The following RBM28 variants were observed in gnomAD, a reference collection of about 807,000 sequenced individuals.
RBM28 encodes RNA-binding protein 28.
Under a neutral mutation model 98.3 loss-of-function variants are expected in RBM28, and 78 were observed. The observed-to-expected ratio is 0.79, with a 90% confidence interval of 0.66 to 0.96. RBM28 has a LOEUF of 0.96. Among genes scored for constraint, RBM28 ranks in the 40% least tolerant of loss-of-function variants. RBM28 has a pLI of 0.00. For missense variants in RBM28, 838 were observed against 913.0 expected (o/e 0.92, Z 1.06); for synonymous variants, 306 against 330.9 (o/e 0.92, Z 0.82).
Position 128,335,569 on chromosome 7 carries a change from GT to G in RBM28, c.919del (p.Thr307ProfsTer25). 1 of 1,614,118 alleles carries G rather than the reference GT, an allele frequency of 6.2e-7. No homozygotes were observed. Among genetic ancestry groups the G allele is most frequent in the Non-Finnish European group, 8.5e-7 (1 of 1,180,008 alleles). On this transcript the variant is annotated frameshift_variant, in exon 8 of 19. Transcript: ENST00000223073. LOFTEE classifies it high-confidence loss of function. Reference protein sequence around the residue: ...DDGEELAQSDTSTEEQEDKAV... With the variant: ...DDGEELAQSDXSTEEQEDKAV... ...TTTATCCTCTTGCTCCTCAGTGCTG[GT>G]ATCACTCTGAGCCAGTTCCTCTCCA... is the stretch of plus-strand genomic sequence containing the variant.
chr7:128,342,008 A>C (rs1796734951), intron 1 of RBM28, among the ~76,000 whole-genome samples: 1 of 152,120 alleles, frequency 6.6e-6, no homozygotes, highest in Non-Finnish European at 1.5e-5. Context: ...AATATTCAAA[A>C]ATTGGCCAGG....
chr7:128,324,192 G>A (rs942671639), intron 12 of RBM28, among the ~76,000 whole-genome samples: 1 of 152,156 alleles, frequency 6.6e-6, no homozygotes, highest in Non-Finnish European at 1.5e-5. Flanking sequence ...AGTATTGGGT[G>A]CACATTTTAA....
chr7:128,328,429 A>T (rs955449139), intron 10 of RBM28, among the ~76,000 whole-genome samples: 1 of 152,218 alleles, frequency 6.6e-6, no homozygotes, highest in African/African-American at 2.4e-5. Context: ...TGGCATGCTG[A>T]GAGGGATAAA....
chr7:128,338,254 T>C lies in RBM28; in HGVS notation c.537A>G (p.Ile179Met), dbSNP rs759932661. The C allele has an allele frequency of 6.2e-7, 1 of 1,613,408 alleles. No individual in the cohort carries two copies. The highest frequency in any genetic ancestry group is 1.1e-5 in the South Asian group (1 of 91,076). ...KALKGMNMKE[I>M]KGRTVAVDWA... ...ATATGGGTATAGAAAGCTTACCTTT[T>C]ATCTCTTTCATGTTCATGCCTTTGA... Residue 179 changes from isoleucine to methionine, a missense_variant, in exon 5 of 19, where the codon ATA becomes ATG. Transcript: ENST00000223073.
At chr7:128,342,223 T>C (rs578173333) in intron 1 of RBM28, among the ~76,000 whole-genome samples, 1 of 152,254 alleles carries the variant, frequency 6.6e-6, no homozygotes, top group African/African-American at 2.4e-5. Context: ...TAATAGGTAA[T>C]AATCTGCAGT....
intron 9 of RBM28, among the ~76,000 whole-genome samples, chr7:128,333,003 G>A (rs1429857239): frequency 6.6e-6 from 1 of 152,218 alleles, no homozygotes; most frequent in African/African-American, 2.4e-5. Flanking sequence ...ACAAAGGCCG[G>A]AAGCAAGATG....
Position 128,310,853 on chromosome 7 carries a change from A to G in RBM28, c.2224T>C (p.Leu742=). 1 of 1,614,136 alleles carries G rather than the reference A, an allele frequency of 6.2e-7. No individual in the cohort carries two copies. The highest frequency in any genetic ancestry group is 1.3e-5 in the African/African-American group (1 of 75,044). ...QLVEQYKQKL[L]GPSKGAPLAK... ...AGAGGTGCTCCTTTAGAAGGTCCCAATAATTTCTGCTTATATTGTTCGACC... is the reference window on the plus strand; with the variant it reads ...AGAGGTGCTCCTTTAGAAGGTCCCAGTAATTTCTGCTTATATTGTTCGACC... Residue 742 remains leucine (L), a synonymous_variant, in exon 19 of 19, where the codon TTG becomes CTG. Coordinates refer to ENST00000223073, the MANE Select transcript of RBM28 (RefSeq NM_018077.3).
chr7:128,318,154 T>C (rs1297793615), intron 14 of RBM28, 48 bp from the exon 15 acceptor site: 2 of 1,536,636 alleles, frequency 1.3e-6, no homozygotes, highest in Admixed American at 1.7e-5. Flanking sequence ...ATGAGAAGAC[T>C]TGCCTGACAT....
At chr7:128,333,168 G>T (rs1181262813) in intron 9 of RBM28, 122 bp downstream of exon 9, 1 of 765,378 alleles carries the variant, frequency 1.3e-6, no homozygotes. Context: ...ATGTTCCTGG[G>T]ACCAGATGTG....
At chr7:128,335,718 C>T (rs1247249169) in intron 7 of RBM28, 39 bp from the exon 8 acceptor site, 2 of 1,613,906 alleles carry the variant, frequency 1.2e-6, no homozygotes, top group Non-Finnish European at 1.7e-6. Context: ...GGTGGGCTGA[C>T]AGAGGGCCTA....
intron 4 of RBM28, 31 bp downstream of exon 4, chr7:128,338,695 T>C: frequency 6.9e-7 from 1 of 1,454,874 alleles, no homozygotes; most frequent in Non-Finnish European, 9.7e-7. Flanking sequence ...TTAACTAACG[T>C]AATCCACACC....
At chr7:128,333,168 G>C in intron 9 of RBM28, 122 bp downstream of exon 9, 1 of 765,382 alleles carries the variant, frequency 1.3e-6, no homozygotes, top group South Asian at 1.4e-5. Context: ...ATGTTCCTGG[G>C]ACCAGATGTG....
chr7:128,320,252 T>G (rs1261350656), intron 14 of RBM28, among the ~76,000 whole-genome samples: 1 of 87,664 alleles, frequency 1.1e-5, no homozygotes, highest in African/African-American at 4.3e-5. Context: ...AAGAAAGAAA[T>G]TAGCCAGGCA....
rs757103148 is a variant in RBM28 at position 128,321,327 on chromosome 7, T to C, written c.1502A>G (p.Lys501Arg). 3.7e-6 allele frequency: 6 copies of C among 1,614,210 alleles called. No individual in the cohort carries two copies. The highest frequency in any genetic ancestry group is 1.7e-5 in the Admixed American group (1 of 60,024). Residue 501 changes from lysine to arginine, a missense_variant, in exon 14 of 19, where the codon AAA (lysine) becomes AGA (arginine). Physicochemically the swap from Lys to Arg is conservative, Grantham distance 26 (BLOSUM62 2). Coordinates refer to ENST00000223073, the MANE Select transcript of RBM28 (RefSeq NM_018077.3). ...LHNLPKAVDD[K>R]QLRKLLLSAT... ...ACTCAGCAGCAGCTTTCTGAGCTGTTTGTCATCTACAGCCTTTGGGAGATT... is the reference window on the plus strand; with the variant it reads ...ACTCAGCAGCAGCTTTCTGAGCTGTCTGTCATCTACAGCCTTTGGGAGATT...
chr7:128,336,194 A>G, intron 6 of RBM28, 152 bp from the exon 7 acceptor site: 1 of 755,108 alleles, frequency 1.3e-6, no homozygotes, highest in Non-Finnish European at 2.1e-6. Context: ...GAAAGTATAA[A>G]GAAAAGAAAA....
At chr7:128,315,137 A>G (rs1796080813) in intron 16 of RBM28, 117 bp from the exon 17 acceptor site, 1 of 1,426,664 alleles carries the variant, frequency 7.0e-7, no homozygotes, top group African/African-American at 1.4e-5. Flanking sequence ...CTTCCCCCAC[A>G]CAATTGGAGA....
intron 10 of RBM28, among the ~76,000 whole-genome samples, chr7:128,329,188 C>A (rs917445075): frequency 6.6e-6 from 1 of 152,170 alleles, no homozygotes; most frequent in African/African-American, 2.4e-5. Flanking sequence ...CAACCTCCCC[C>A]TCCCAGGTTC....
At position 128,335,800 on chromosome 7, in the gene RBM28, A is replaced by C. The variant is rs1052961559; in HGVS notation, c.809+47T>G. ...AAGGAGAATTTTTCCTCTCGGAGAC[A>C]ATCTTGAATCTTCCTCTGCTGTCTC... On this transcript the variant is annotated intron_variant, in intron 7 of 18. Coordinates refer to ENST00000223073, the MANE Select transcript of RBM28 (RefSeq NM_018077.3). The C allele has an allele frequency of 3.1e-6, 5 of 1,613,864 alleles. No homozygotes were observed. The African/African-American group carries it at 4.0e-5, about 13-fold the overall frequency.
intron 1 of RBM28, among the ~76,000 whole-genome samples, 186 bp from the exon 2 acceptor site, chr7:128,339,977 TC>T (rs1321911826): frequency 3.3e-5 from 5 of 152,176 alleles, no homozygotes; most frequent in Non-Finnish European, 7.4e-5. Context: ...AGTGGTTCCC[TC>T]CCCACTTTGC....
Sources: gnomAD v4.1 joint callset for allele counts (sites outside exome capture counted in the v4.1 genomes callset) on GRCh38, gnomAD v4.1.1 for gene constraint, MANE v1.5 for transcripts, NCBI Gene and HGNC (gene_info 2026-07-23, HGNC 2026-07-21) for gene names.